NTF3: variants seen among roughly 807,000 people sequenced by gnomAD.
NTF3 encodes neurotrophin-3.
A neutral mutation model predicts 26.3 loss-of-function variants in NTF3; 8 were observed. That is an observed-to-expected ratio of 0.30 (90% CI 0.18 to 0.55). The LOEUF (loss-of-function observed/expected upper bound fraction) is 0.55, where lower values mean the gene tolerates loss of function less well. NTF3 is among the 20% of genes least tolerant of loss of function. The pLI is 0.93. For synonymous variants in NTF3, 154 were observed against 145.5 expected (o/e 1.06, Z -0.42); for missense variants, 276 against 352.9 (o/e 0.78, Z 1.75).
At chr12:5,493,550 G>A (rs540347739) in intron 1 of NTF3, among the ~76,000 whole-genome samples, 15 of 152,066 alleles carry the variant, frequency 9.9e-5, no homozygotes, top group Admixed American at 2.6e-4. Context: ...CAGAAAGCTC[G>A]GCAGAGCACC....
intron 1 of NTF3, among the ~76,000 whole-genome samples, chr12:5,463,194 G>A (rs1940544916): frequency 6.6e-6 from 1 of 152,110 alleles, no homozygotes; most frequent in Non-Finnish European, 1.5e-5. Flanking sequence ...CATGTTTTGA[G>A]CAAATCAAAT....
intron 1 of NTF3, among the ~76,000 whole-genome samples, chr12:5,466,961 A>C (rs191013993): frequency 6.6e-6 from 1 of 152,252 alleles, no homozygotes; most frequent in East Asian, 1.9e-4. Flanking sequence ...GGCCGGGTGC[A>C]GTGGCTCACG....
chr12:5,477,148 TC>T (rs1555072375), intron 1 of NTF3, among the ~76,000 whole-genome samples: 1 of 152,188 alleles, frequency 6.6e-6, no homozygotes, highest in Non-Finnish European at 1.5e-5. Flanking sequence ...TTCTCTAGTT[TC>T]CCCAGGGTGG....
chr12:5,455,712 G>A (rs1272486257), intron 1 of NTF3, among the ~76,000 whole-genome samples: 1 of 152,200 alleles, frequency 6.6e-6, no homozygotes, highest in East Asian at 1.9e-4. Flanking sequence ...ATGGAAAGGA[G>A]GTGTGGCTCT....
upstream of NTF3, among the ~76,000 whole-genome samples, chr12:5,431,669 A>T (rs189173493): frequency 6.6e-6 from 1 of 152,120 alleles, no homozygotes; most frequent in Non-Finnish European, 1.5e-5. Flanking sequence ...AAAAGGCAGG[A>T]AAAGGCCCTG....
chr12:5,441,078 T>TCAATAAGCTA (rs1444666261), intron 1 of NTF3, among the ~76,000 whole-genome samples: 8 of 152,130 alleles, frequency 5.3e-5, no homozygotes, highest in Admixed American at 5.2e-4. Flanking sequence ...GTAGCTGAAT[T>TCAATAAGCTA]CAATAAGCTA....
At chr12:5,432,578 CACACACACA>C (rs1940108348) in intron 1 of NTF3, among the ~76,000 whole-genome samples, 1 of 150,316 alleles carries the variant, frequency 6.7e-6, no homozygotes, top group Non-Finnish European at 1.5e-5. Context: ...CACACACACA[CACACACACA>C]CACACACACA....
Position 5,494,507 on chromosome 12 carries a change from G to A in NTF3, c.332G>A (p.Arg111His), listed in dbSNP as rs745655469. ...MDTELLRQQR[R>H]YNSPRVLLSD... ...ACCGAACTGCTGCGACAACAGAGAC[G>A]CTACAACTCACCGCGGGTCCTGCTG... Residue 111 changes from arginine to histidine, a missense_variant, in exon 2 of 2, where the codon CGC becomes CAC. Arg to His is a conservative substitution (Grantham distance 29). This residue lies in a region of NTF3 where 221 missense variants were observed against 258.2 expected (regional missense o/e 0.86). Transcript: ENST00000423158. This position sits in a 1 kb window ranked among gnomAD's most constrained non-coding sequence, Gnocchi z 8.3. 2 of 1,613,802 alleles carry A rather than the reference G, an allele frequency of 1.2e-6. No homozygotes were observed. Among genetic ancestry groups the A allele is most frequent in the African/African-American group, 1.3e-5 (1 of 74,894 alleles).
intron 1 of NTF3, among the ~76,000 whole-genome samples, chr12:5,439,215 GTTAATA>G (rs1306179489): frequency 6.6e-6 from 1 of 152,184 alleles, no homozygotes; most frequent in African/African-American, 2.4e-5. Context: ...GATGATGACA[GTTAATA>G]TTAGAGTACT....
intron 1 of NTF3, among the ~76,000 whole-genome samples, chr12:5,450,961 T>C (rs1191590966): frequency 1.3e-5 from 2 of 152,216 alleles, no homozygotes; most frequent in Non-Finnish European, 2.9e-5. Context: ...CAAGATTAAA[T>C]GTCTAGGAAG....
chr12:5,482,321 G>A (rs1006913610), intron 1 of NTF3, among the ~76,000 whole-genome samples: 3 of 152,160 alleles, frequency 2.0e-5, no homozygotes, highest in East Asian at 1.9e-4. Flanking sequence ...GTGTGATCAC[G>A]GCCTGTTCTG....
At chr12:5,458,491 C>A (rs573128779) in intron 1 of NTF3, among the ~76,000 whole-genome samples, 1 of 152,274 alleles carries the variant, frequency 6.6e-6, no homozygotes, top group East Asian at 1.9e-4. Context: ...CATTCCAAAC[C>A]ACACGTGACA....
chr12:5,487,784 A>G (rs1387092422), intron 1 of NTF3, among the ~76,000 whole-genome samples: 2 of 152,202 alleles, frequency 1.3e-5, no homozygotes, highest in African/African-American at 4.8e-5. Context: ...CTGGTTTGAC[A>G]CTACATAGAT....
chr12:5,490,524 G>C (rs543917700), intron 1 of NTF3, among the ~76,000 whole-genome samples: 1 of 152,244 alleles, frequency 6.6e-6, no homozygotes, highest in Non-Finnish European at 1.5e-5. Context: ...CCTGGATGGA[G>C]CTGGCACTGC....
upstream of NTF3, among the ~76,000 whole-genome samples, chr12:5,431,512 G>A (rs1209675874): frequency 1.3e-5 from 2 of 152,082 alleles, no homozygotes; most frequent in Admixed American, 6.5e-5. Context: ...AGTTCGCCGG[G>A]GAGCGATTGT....
intron 1 of NTF3, among the ~76,000 whole-genome samples, chr12:5,482,721 G>GTCTC (rs555302158): frequency 1.3e-3 from 202 of 151,682 alleles, no homozygotes; most frequent in African/African-American, 4.8e-3. Flanking sequence ...CCCACTCACT[G>GTCTC]TCTCTCTGTC....
intron 1 of NTF3, among the ~76,000 whole-genome samples, chr12:5,465,153 C>T (rs575171885): frequency 6.6e-6 from 1 of 152,334 alleles, no homozygotes; most frequent in South Asian, 2.1e-4. Context: ...GGGCTTCTCC[C>T]CACTTCATGG....
chr12:5,454,858 G>A (rs1375330447), intron 1 of NTF3, among the ~76,000 whole-genome samples: 1 of 152,212 alleles, frequency 6.6e-6, no homozygotes, highest in Non-Finnish European at 1.5e-5. Context: ...AGTATAGCGA[G>A]CAGAGCGGCA....
At position 5,494,027 on chromosome 12, in the gene NTF3, AAGAAATCACCTCTTC is replaced by A; in HGVS notation, c.19-162_19-148del. The A allele has an allele frequency of 1.6e-6, 1 of 629,808 alleles. No homozygotes were observed. The highest frequency in any genetic ancestry group is 2.7e-5 in the East Asian group (1 of 36,386). 39.0% of individuals were successfully genotyped at this position (629,808 alleles called of 1,614,324 possible). A position where few individuals can be genotyped will look rare whatever the true frequency, so the allele number is the denominator to read the frequency against. ...CGCAGTATCTCCCGGGGGTGGGGGA[AAGAAATCACCTCTTC>A]AGAATGTCCAGAGGGGAGTTGCCTT... On this transcript the variant is annotated intron_variant, in intron 1 of 1. Coordinates refer to ENST00000423158, the MANE Select transcript of NTF3 (RefSeq NM_001102654.2). The surrounding 1 kb of genome is among the most constrained non-coding windows in gnomAD (Gnocchi z 8.3).
Sources: allele counts gnomAD v4.1 joint callset (sites outside exome capture counted in the v4.1 genomes callset), GRCh38; gene constraint gnomAD v4.1.1; regional missense constraint gnomAD v4.1.1; non-coding constraint Gnocchi (gnomAD v3.1); transcripts MANE v1.5; gene names NCBI Gene and HGNC (gene_info 2026-07-23, HGNC 2026-07-21).